Variants in GUCA1C observed in about 807,000 individuals in gnomAD.
GUCA1C encodes guanylate cyclase activator 1C, also known as guanylyl cyclase-activating protein 3.
Under a neutral mutation model 16.2 loss-of-function variants are expected in GUCA1C, and 15 were observed. The ratio of observed to expected loss-of-function variants is 0.93; its 90% CI spans 0.62 to 1.43. The LOEUF is 1.43. Ranked by LOEUF, GUCA1C falls within the 40% of genes most tolerant of loss-of-function variation. The pLI is 0.00. For missense variants in GUCA1C, 275 were observed against 244.8 expected, an observed-to-expected ratio of 1.12 and a Z score of -0.82; for synonymous variants, 78 against 85.4, an observed-to-expected ratio of 0.91 and a Z score of 0.48.
chr3:108,929,098 CT>C (rs1335218253), intron 1 of GUCA1C, among the ~76,000 whole-genome samples: 1 of 152,094 alleles, frequency 6.6e-6, no homozygotes, highest in Non-Finnish European at 1.5e-5. Context: ...TTATTTAGTT[CT>C]TTGATTTCTT....
intron 3 of GUCA1C, among the ~76,000 whole-genome samples, chr3:108,913,671 A>G (rs1451994922): frequency 6.6e-6 from 1 of 152,136 alleles, no homozygotes; most frequent in African/African-American, 2.4e-5. Context: ...AGCAAGTTCT[A>G]TCAGTTTTAG....
At chr3:108,942,797 T>A (rs1171276043) in intron 1 of GUCA1C, among the ~76,000 whole-genome samples, 4 of 152,248 alleles carry the variant, frequency 2.6e-5, no homozygotes, top group Admixed American at 2.6e-4. Context: ...GTAAAGTCAA[T>A]TTAGGACAGA....
intron 3 of GUCA1C, among the ~76,000 whole-genome samples, chr3:108,908,516 A>C (rs1421305976): frequency 6.6e-6 from 1 of 152,234 alleles, no homozygotes; most frequent in Non-Finnish European, 1.5e-5. Flanking sequence ...TTGGACTTTT[A>C]ATCTTGAAGA....
intron 1 of GUCA1C, among the ~76,000 whole-genome samples, chr3:108,944,214 G>A (rs1379728346): frequency 2.0e-5 from 3 of 152,166 alleles, no homozygotes; most frequent in South Asian, 2.1e-4. Flanking sequence ...AAGGAAAGAA[G>A]TGCATATGTA....
intron 1 of GUCA1C, among the ~76,000 whole-genome samples, chr3:108,927,032 T>C (rs946608942): frequency 6.6e-5 from 10 of 152,218 alleles, no homozygotes; most frequent in African/African-American, 2.2e-4. Context: ...ATAATTGCTT[T>C]GTTTAAGGAG....
chr3:108,945,771 C>T (rs185680045), intron 1 of GUCA1C, among the ~76,000 whole-genome samples: 3 of 152,164 alleles, frequency 2.0e-5, no homozygotes, highest in South Asian at 2.1e-4. Flanking sequence ...CTAGTCTTAA[C>T]GTTTGTAATT....
At chr3:108,937,819 T>TTGGGAGG (rs2107306642) in intron 1 of GUCA1C, among the ~76,000 whole-genome samples, 1 of 152,280 alleles carries the variant, frequency 6.6e-6, no homozygotes, top group African/African-American at 2.4e-5. Flanking sequence ...AAGCCTGTAA[T>TTGGGAGG]CCCAGCACTT....
intron 1 of GUCA1C, among the ~76,000 whole-genome samples, chr3:108,947,332 C>T (rs368020911): frequency 7.9e-5 from 12 of 151,976 alleles, no homozygotes. Flanking sequence ...GATATCCTCA[C>T]GTTTGAGTAG....
At chr3:108,930,531 T>C (rs1469036391) in intron 1 of GUCA1C, among the ~76,000 whole-genome samples, 1 of 152,252 alleles carries the variant, frequency 6.6e-6, no homozygotes, top group Non-Finnish European at 1.5e-5. Flanking sequence ...TTTCTAAACT[T>C]ATTATACTTT....
chr3:108,953,631 CA>C lies in GUCA1C; in HGVS notation c.131del (p.Leu44TrpfsTer6), dbSNP rs1559850746. 1.2e-6 allele frequency: 2 copies of C among 1,613,294 alleles called. No individual in the cohort carries two copies. The highest frequency in any genetic ancestry group is 1.7e-6 in the Non-Finnish European group (2 of 1,179,274). On this transcript the variant is annotated frameshift_variant, in exon 1 of 4. Transcript: ENST00000261047. LOFTEE classifies it high-confidence loss of function. Reference protein sequence around the residue: ...LQTLHEFKTLLGLQGLNQKAN... With the variant: ...LQTLHEFKTLXGLQGLNQKAN... Reference sequence around the variant, plus strand: ...CCTTCTGATTCAGACCTTGCAGACCCAAAAGTGTCTTAAATTCATGTAGTGT... The same window carrying C: ...CCTTCTGATTCAGACCTTGCAGACCCAAAGTGTCTTAAATTCATGTAGTGT...
chr3:108,937,818 A>G (rs1946742633), intron 1 of GUCA1C, among the ~76,000 whole-genome samples: 1 of 152,188 alleles, frequency 6.6e-6, no homozygotes, highest in African/African-American at 2.4e-5. Flanking sequence ...CAAGCCTGTA[A>G]TCCCAGCACT....
At chr3:108,944,725 CACA>C (rs1023563819) in intron 1 of GUCA1C, among the ~76,000 whole-genome samples, 84 of 152,296 alleles carry the variant, frequency 5.5e-4, no homozygotes, top group African/African-American at 1.9e-3. Context: ...AGGGGTTCAG[CACA>C]ACATCTATTA....
At chr3:108,911,911 GC>G (rs1702800614) in intron 3 of GUCA1C, among the ~76,000 whole-genome samples, 1 of 152,002 alleles carries the variant, frequency 6.6e-6, no homozygotes, top group South Asian at 2.1e-4. Flanking sequence ...ATTGAGACCA[GC>G]CTGGCCAATA....
chr3:108,916,609 C>T (rs1463296540), intron 2 of GUCA1C, among the ~76,000 whole-genome samples: 1 of 152,220 alleles, frequency 6.6e-6, no homozygotes, highest in East Asian at 1.9e-4. Context: ...AGGATGACCA[C>T]AATGCTGTAA....
chr3:108,938,617 C>T (rs75288583), intron 1 of GUCA1C, among the ~76,000 whole-genome samples: 1 of 152,294 alleles, frequency 6.6e-6, no homozygotes, highest in African/African-American at 2.4e-5. Flanking sequence ...CCTATTTTCA[C>T]CCACAGATAC....
intron 1 of GUCA1C, among the ~76,000 whole-genome samples, chr3:108,946,478 T>C (rs1450653569): frequency 1.3e-5 from 2 of 152,158 alleles, no homozygotes; most frequent in East Asian, 3.8e-4. Context: ...CATACCAAAA[T>C]TATTGACTTC....
chr3:108,924,749 A>G (rs1309415289), intron 1 of GUCA1C, among the ~76,000 whole-genome samples: 1 of 151,952 alleles, frequency 6.6e-6, no homozygotes, highest in African/African-American at 2.4e-5. Flanking sequence ...AATATAATTC[A>G]GCTGTGAATC....
intron 1 of GUCA1C, among the ~76,000 whole-genome samples, chr3:108,939,127 T>C (rs1319221003): frequency 6.6e-6 from 1 of 152,108 alleles, no homozygotes; most frequent in African/African-American, 2.4e-5. Flanking sequence ...TAAACTGATA[T>C]TGCAACAGAT....
chr3:108,924,178 A>G (rs557308155), intron 1 of GUCA1C, among the ~76,000 whole-genome samples: 1 of 152,266 alleles, frequency 6.6e-6, no homozygotes, highest in South Asian at 2.1e-4. Context: ...TAGGACTTCC[A>G]GTACTAAGTT....
Sources: gnomAD v4.1 joint callset for allele counts (sites outside exome capture counted in the v4.1 genomes callset) on GRCh38, gnomAD v4.1.1 for gene constraint, MANE v1.5 for transcripts, NCBI Gene and HGNC (gene_info 2026-07-23, HGNC 2026-07-21) for gene names.